The following KCNMA1 variants were observed in gnomAD, a reference collection of about 807,000 sequenced individuals.
The protein encoded by KCNMA1 is Calcium-activated potassium channel subunit alpha-1.
Under a neutral mutation model 140.0 loss-of-function variants are expected in KCNMA1, and 29 were observed. The observed-to-expected ratio is 0.21, with a 90% CI of 0.15 to 0.28. KCNMA1 has a LOEUF of 0.28. Ranked by LOEUF, KCNMA1 falls within the 10% of genes least tolerant of loss-of-function variation. The pLI, the probability that KCNMA1 is intolerant of heterozygous loss-of-function variation, is 1.00. For synonymous variants in KCNMA1, 612 were observed against 611.9 expected (o/e 1.00, Z 0.00); for missense variants, 880 against 1,602.2 (o/e 0.55, Z 7.70).
At chr10:77,419,428 C>CTTTGT (rs936663666) in intron 1 of KCNMA1, among the ~76,000 whole-genome samples, 5 of 152,100 alleles carry the variant, frequency 3.3e-5, no homozygotes, top group South Asian at 2.1e-4. Flanking sequence ...TCCCAAGTCT[C>CTTTGT]TTTGTTTTGT....
At chr10:77,034,673 T>G (rs1019968154) in intron 15 of KCNMA1, among the ~76,000 whole-genome samples, 1 of 152,164 alleles carries the variant, frequency 6.6e-6, no homozygotes, top group Non-Finnish European at 1.5e-5. Context: ...GGGACAGAAC[T>G]CCTGCCCTTC....
At chr10:77,361,099 A>G (rs967387900) in intron 2 of KCNMA1, among the ~76,000 whole-genome samples, 1 of 152,212 alleles carries the variant, frequency 6.6e-6, no homozygotes, top group Non-Finnish European at 1.5e-5. Context: ...CTCTCTAAGC[A>G]CAGATGTTCT....
intron 1 of KCNMA1, among the ~76,000 whole-genome samples, chr10:77,440,060 G>A (rs1421419537): frequency 6.6e-6 from 1 of 152,194 alleles, no homozygotes; most frequent in Non-Finnish European, 1.5e-5. Flanking sequence ...TGACACCATA[G>A]CTTCTCCACC....
chr10:77,166,279 C>T lies in KCNMA1; in HGVS notation c.808+17142G>A, dbSNP rs1346359720. On this transcript the variant is annotated intron_variant, in intron 5 of 27. Coordinates refer to ENST00000286628, the MANE Select transcript of KCNMA1 (RefSeq NM_001161352.2). ...GCACTTCTGACCCAGTTTGTAAATT[C>T]GAGTTATAGTATTTTACGTTTGCTA... is the stretch of plus-strand genomic sequence containing the variant. 2.0e-5 allele frequency among the ~76,000 whole-genome samples: 3 copies of T among 152,248 alleles called. No homozygotes were observed. The East Asian group carries it at 5.8e-4, about 29-fold the overall frequency.
At chr10:77,322,971 G>A (rs1458239287) in intron 2 of KCNMA1, among the ~76,000 whole-genome samples, 1 of 152,148 alleles carries the variant, frequency 6.6e-6, no homozygotes, top group African/African-American at 2.4e-5. Context: ...CCTGAGGATT[G>A]ACTTATTCAG....
At chr10:76,884,096 G>A (rs2035776052), downstream of KCNMA1, 4 of 455,964 alleles carry the variant, frequency 8.8e-6, no homozygotes, top group Non-Finnish European at 5.8e-6. Flanking sequence ...TCTCATTGGA[G>A]TTGCTAACAG....
intron 1 of KCNMA1, among the ~76,000 whole-genome samples, chr10:77,462,224 G>A (rs1291308182): frequency 6.6e-6 from 1 of 151,778 alleles, no homozygotes; most frequent in African/African-American, 2.4e-5. Flanking sequence ...TACTCAGATA[G>A]ATGCACACAC....
intron 3 of KCNMA1, among the ~76,000 whole-genome samples, chr10:77,188,088 C>T (rs1292186116): frequency 1.3e-5 from 2 of 152,128 alleles, no homozygotes; most frequent in Non-Finnish European, 2.9e-5. Context: ...AACACCTCTC[C>T]CTTCTTGTGT....
rs77034142 is a variant in KCNMA1, at chr10:77,001,550, C to G, written c.2123G>C (p.Arg708Pro). Residue 708 changes from arginine (R) to proline (P), a missense_variant, in exon 19 of 28, where the codon CGG (arginine) becomes CCG (proline). Physicochemically the swap from Arg to Pro is moderately radical, Grantham distance 103 (BLOSUM62 -2). Coordinates refer to ENST00000286628, the MANE Select transcript of KCNMA1 (RefSeq NM_001161352.2). ...PKMSIYKRMR[R>P]ACCFDCGRSE... ...ACGTCCGCAATCAAAACAACATGCC[C>G]GTCTCATTCTCTTGTAGATGGACAT... is the stretch of plus-strand genomic sequence containing the variant. The G allele has an allele frequency of 3.2e-6, 5 of 1,551,922 alleles. No individual in the cohort carries two copies. The highest frequency in any genetic ancestry group is 3.5e-6 in the Non-Finnish European group (4 of 1,146,962).
chr10:76,965,753 G>C (rs1371445656), intron 20 of KCNMA1, among the ~76,000 whole-genome samples: 1 of 152,098 alleles, frequency 6.6e-6, no homozygotes, highest in African/African-American at 2.4e-5. Context: ...CTGTAAAATG[G>C]GGGCAAGAGT....
chr10:77,636,654 T>C lies in KCNMA1; in HGVS notation c.378+611A>G, dbSNP rs1266489140. 7.8e-6 allele frequency: 12 copies of C among 1,535,754 alleles called. No homozygotes were observed. In the African/African-American group the frequency reaches 1.6e-4, roughly 21 times the overall value. On this transcript the variant is annotated intron_variant, in intron 1 of 27. Coordinates refer to ENST00000286628, the MANE Select transcript of KCNMA1 (RefSeq NM_001161352.2). ...CAGCCCCGTGGGCTACCCCCAATAG[T>C]GGGATGGATCTCCCCAACTTCTCTC...
At chr10:77,299,042 C>T (rs2154329116) in intron 2 of KCNMA1, among the ~76,000 whole-genome samples, 1 of 152,326 alleles carries the variant, frequency 6.6e-6, no homozygotes, top group Admixed American at 6.5e-5. Flanking sequence ...TTCACCAGTG[C>T]TGGTTTCATA....
intron 20 of KCNMA1, among the ~76,000 whole-genome samples, chr10:76,966,303 T>C (rs2073903021): frequency 1.3e-5 from 2 of 152,164 alleles, no homozygotes; most frequent in African/African-American, 4.8e-5. Flanking sequence ...ACCTACCCAT[T>C]GGAGAAATCT....
chr10:77,252,713 A>G (rs1435573460), intron 2 of KCNMA1, among the ~76,000 whole-genome samples: 1 of 152,144 alleles, frequency 6.6e-6, no homozygotes, highest in Non-Finnish European at 1.5e-5. Context: ...GCAAAACTGC[A>G]TGGAGCTCCT....
In KCNMA1 at chr10:77,035,007, CT is replaced by C. The variant is rs145789560; in HGVS notation, c.1859+4520del. Among the ~76,000 whole-genome samples, 709 of 152,310 alleles carry C rather than the reference CT, an allele frequency of 4.7e-3. 7 individuals carry two copies. The highest frequency in any genetic ancestry group is 0.017 in the African/African-American group (690 of 41,558). ...CTCCTTGTCCAGCCCCTCCCCTCCCCTCTGCCCTCCCTGGGGGTAGGGGAGT... is the reference window on the plus strand; with the variant it reads ...CTCCTTGTCCAGCCCCTCCCCTCCCCCTGCCCTCCCTGGGGGTAGGGGAGT... On this transcript the variant is annotated intron_variant, in intron 15 of 27. Coordinates refer to ENST00000286628, the MANE Select transcript of KCNMA1 (RefSeq NM_001161352.2).
intron 1 of KCNMA1, among the ~76,000 whole-genome samples, chr10:77,414,465 C>A (rs1460357857): frequency 6.6e-6 from 1 of 150,870 alleles, no homozygotes. Flanking sequence ...AAGAAGCCTG[C>A]AAGATAGGAA....
At chr10:77,404,108 A>C (rs2096379407) in intron 1 of KCNMA1, 85 bp from the exon 2 acceptor site, 1 of 1,396,470 alleles carries the variant, frequency 7.2e-7, no homozygotes, top group African/African-American at 1.4e-5. Context: ...CAGAGCCAGA[A>C]GGGGTCCCCA....
At chr10:77,517,294 C>A (rs2050904782) in intron 1 of KCNMA1, among the ~76,000 whole-genome samples, 1 of 152,160 alleles carries the variant, frequency 6.6e-6, no homozygotes, top group Admixed American at 6.5e-5. Flanking sequence ...AATTCCACAG[C>A]AGTAACCGGG....
chr10:77,506,840 AGTGTGTGT>A lies in KCNMA1; in HGVS notation c.379-102825_379-102818del, dbSNP rs67309788. ...GAGAGAGAAAGAGAGAGAGAGAGAG[AGTGTGTGT>A]GTGTGTGTGTGTGTGTGTGTGTGTT... On this transcript the variant is annotated intron_variant, in intron 1 of 27. Transcript: ENST00000286628. 2.5e-3 allele frequency among the ~76,000 whole-genome samples: 299 copies of A among 120,944 alleles called. 3 individuals are homozygous for A. The highest frequency in any genetic ancestry group is 7.6e-3 in the African/African-American group (231 of 30,212). The allele number at this position is 120,944 out of a possible 152,430, so 79.3% of individuals were successfully genotyped here.
Sources: gnomAD v4.1 joint callset for allele counts (sites outside exome capture counted in the v4.1 genomes callset) on GRCh38, gnomAD v4.1.1 for gene constraint, MANE v1.5 for transcripts, NCBI Gene and HGNC (gene_info 2026-07-23, HGNC 2026-07-21) for gene names.